Variants in CLVS2 observed in about 807,000 individuals in gnomAD.
CLVS2 encodes the protein clavesin 2, also known as clavesin-2.
A neutral mutation model predicts 29.0 loss-of-function variants in CLVS2; 19 were observed. The observed-to-expected ratio is 0.66, with a 90% CI of 0.46 to 0.96. The LOEUF is 0.96. Among genes scored for constraint, CLVS2 ranks in the 40% least tolerant of loss-of-function variants. The pLI, the probability that CLVS2 is intolerant of heterozygous loss-of-function variation, is 0.00. For missense variants in CLVS2, 294 were observed against 404.1 expected (o/e 0.73, Z 2.34); for synonymous variants, 161 against 151.3 (o/e 1.06, Z -0.47).
rs1163207884 is a variant in CLVS2 at position 123,063,767 on chromosome 6, T to C, written c.*6T>C. The C allele has an allele frequency of 2.6e-6, 4 of 1,567,654 alleles. No individual in the cohort carries two copies. Among genetic ancestry groups the C allele is most frequent in the African/African-American group, 1.4e-5 (1 of 73,942 alleles). Reference sequence around the variant, plus strand: ...CATTGCTTTCTCTGGACTAATAACTTCTCTACATCCCCTTCATGGATTAGA... The same window carrying C: ...CATTGCTTTCTCTGGACTAATAACTCCTCTACATCCCCTTCATGGATTAGA... On this transcript the variant is annotated 3_prime_UTR_variant, in exon 6 of 6. Transcript: ENST00000275162.
intron 2 of CLVS2, among the ~76,000 whole-genome samples, chr6:123,008,550 G>A (rs1459540265): frequency 1.3e-5 from 2 of 151,990 alleles, no homozygotes; most frequent in Non-Finnish European, 2.9e-5. Context: ...TGCCATTTTG[G>A]TATTAATGCT....
At chr6:123,032,261 TG>T (rs1278390551) in intron 3 of CLVS2, among the ~76,000 whole-genome samples, 4 of 152,178 alleles carry the variant, frequency 2.6e-5, no homozygotes, top group Non-Finnish European at 4.4e-5. Flanking sequence ...GATATGATGA[TG>T]TTTTTCCTCC....
At chr6:123,007,237 T>C (rs995989309) in intron 2 of CLVS2, among the ~76,000 whole-genome samples, 2 of 152,214 alleles carry the variant, frequency 1.3e-5, no homozygotes, top group Admixed American at 1.3e-4. Flanking sequence ...TTGTTTGCTA[T>C]GTGCTACCCA....
At position 123,030,626 on chromosome 6, in the gene CLVS2, A is replaced by C. The variant is rs570506816; in HGVS notation, c.565-17996A>C. ...GTCCAGGTAATATTGAAGTGGAACT[A>C]GGCTGTAGACTGTATATCCAAATGA... On this transcript the variant is annotated intron_variant, in intron 3 of 5. Transcript: ENST00000275162. Among the ~76,000 whole-genome samples the C allele has an allele frequency of 3.9e-5, 6 of 152,234 alleles. No individual in the cohort carries two copies. The South Asian group carries it at 1.2e-3, about 32-fold the overall frequency.
intron 3 of CLVS2, among the ~76,000 whole-genome samples, chr6:123,023,430 T>G (rs909564365): frequency 6.6e-6 from 1 of 152,100 alleles, no homozygotes; most frequent in African/African-American, 2.4e-5. Flanking sequence ...TGGAAGCTTC[T>G]GTGTTGGTAT....
intron 3 of CLVS2, among the ~76,000 whole-genome samples, chr6:123,025,591 G>A (rs956150444): frequency 3.3e-5 from 5 of 152,132 alleles, no homozygotes; most frequent in African/African-American, 1.2e-4. Context: ...ACTCCCAGGT[G>A]CCAGGAATGT....
At chr6:123,043,979 G>T (rs1306906208) in intron 3 of CLVS2, among the ~76,000 whole-genome samples, 2 of 152,036 alleles carry the variant, frequency 1.3e-5, no homozygotes, top group African/African-American at 2.4e-5. Context: ...CACATATAAT[G>T]ATACATATCA....
intron 4 of CLVS2, among the ~76,000 whole-genome samples, chr6:123,050,445 T>C (rs183997943): frequency 2.3e-4 from 35 of 152,302 alleles, no homozygotes; most frequent in African/African-American, 7.7e-4. Flanking sequence ...ATGGAAAAAT[T>C]AGGCTTGGAA....
chr6:123,010,182 C>T (rs1039725917), intron 2 of CLVS2, among the ~76,000 whole-genome samples: 4 of 152,012 alleles, frequency 2.6e-5, no homozygotes, highest in African/African-American at 9.7e-5. Flanking sequence ...AAATGCCACT[C>T]AAATTTGGCT....
chr6:123,029,244 T>C (rs552687044), intron 3 of CLVS2, among the ~76,000 whole-genome samples: 4 of 152,336 alleles, frequency 2.6e-5, no homozygotes, highest in South Asian at 2.1e-4. Context: ...TTTTGATCAG[T>C]GTGGTACACA....
rs528261810 is a variant in CLVS2 at position 123,041,168 on chromosome 6, T to G, written c.565-7454T>G. 2.0e-5 allele frequency among the ~76,000 whole-genome samples: 3 copies of G among 152,256 alleles called. No individual in the cohort carries two copies. In the East Asian group the frequency reaches 5.8e-4, roughly 29 times the overall value. On this transcript the variant is annotated intron_variant, in intron 3 of 5. Transcript: ENST00000275162. ...TCTACAGGTTGCATAAAGAAAAACT[T>G]GAAGGACTTAATAAAAGGATAGTTC...
intron 3 of CLVS2, among the ~76,000 whole-genome samples, chr6:123,036,603 T>A (rs555439109): frequency 4.7e-4 from 72 of 152,310 alleles, no homozygotes; most frequent in African/African-American, 1.7e-3. Flanking sequence ...CCTCTTAGAT[T>A]AGCTAAACTG....
intron 3 of CLVS2, among the ~76,000 whole-genome samples, chr6:123,017,958 A>C (rs188002730): frequency 6.6e-6 from 1 of 152,220 alleles, no homozygotes; most frequent in African/African-American, 2.4e-5. Context: ...ATTAAAGAGA[A>C]TTACTAATTA....
At chr6:123,042,713 T>C (rs926356720) in intron 3 of CLVS2, among the ~76,000 whole-genome samples, 1 of 152,222 alleles carries the variant, frequency 6.6e-6, no homozygotes, top group Non-Finnish European at 1.5e-5. Flanking sequence ...TAAAAATCTT[T>C]GCTTTCGTCA....
At position 123,063,811 on chromosome 6, in the gene CLVS2, T is replaced by C; in HGVS notation, c.*50T>C. The C allele has an allele frequency of 1.6e-6, 2 of 1,261,632 alleles. No individual in the cohort carries two copies. The highest frequency in any genetic ancestry group is 2.3e-6 in the Non-Finnish European group (2 of 863,772). 78.2% of individuals were successfully genotyped at this position (1,261,632 alleles called of 1,614,324 possible). ...GATTAGAAATGGAAAGTATTGGTTT[T>C]CAGCAACAGGGACAACACTGTAGAG... On this transcript the variant is annotated 3_prime_UTR_variant, in exon 6 of 6. Coordinates refer to ENST00000275162, the MANE Select transcript of CLVS2 (RefSeq NM_001010852.4).
At chr6:123,044,779 G>A (rs1436527299) in intron 3 of CLVS2, among the ~76,000 whole-genome samples, 2 of 152,166 alleles carry the variant, frequency 1.3e-5, no homozygotes, top group Non-Finnish European at 2.9e-5. Context: ...GAGACCACTT[G>A]GGAAGCTATG....
At chr6:123,037,436 C>A (rs1162106629) in intron 3 of CLVS2, among the ~76,000 whole-genome samples, 2 of 152,150 alleles carry the variant, frequency 1.3e-5, no homozygotes, top group Non-Finnish European at 2.9e-5. Context: ...TTGACATCTC[C>A]AACTTCACTT....
At chr6:123,020,297 T>C (rs1774901531) in intron 3 of CLVS2, among the ~76,000 whole-genome samples, 1 of 152,088 alleles carries the variant, frequency 6.6e-6, no homozygotes, top group Non-Finnish European at 1.5e-5. Context: ...AGATCTGAAA[T>C]GTTTCAACAA....
chr6:123,069,382 G>T lies in CLVS2; in HGVS notation c.*5621G>T, dbSNP rs564906333. 5 of 151,846 alleles carry T rather than the reference G, an allele frequency of 3.3e-5. No individual in the cohort carries two copies. The highest frequency in any genetic ancestry group is 2.6e-4 in the Admixed American group (4 of 15,208). The allele number at this position is 151,846 out of a possible 1,614,324, so 9.4% of individuals were successfully genotyped here. A position where few individuals can be genotyped will look rare whatever the true frequency, so the allele number is the denominator to read the frequency against. On this transcript the variant is annotated 3_prime_UTR_variant, in exon 6 of 6. Transcript: ENST00000275162. ...AAAAAAAAAATTCAGCCTGATTTGAGAAAGAATGCTTACTCAATAAATATG... is the reference window on the plus strand; with the variant it reads ...AAAAAAAAAATTCAGCCTGATTTGATAAAGAATGCTTACTCAATAAATATG...
Sources: allele counts gnomAD v4.1 joint callset (sites outside exome capture counted in the v4.1 genomes callset), GRCh38; gene constraint gnomAD v4.1.1; transcripts MANE v1.5; gene names NCBI Gene and HGNC (gene_info 2026-07-23, HGNC 2026-07-21).